GRAP2: variants seen among roughly 807,000 people sequenced by gnomAD.
The protein encoded by GRAP2 is GRB2 related adaptor protein 2, also known as GRB2-related adapter protein 2.
In GRAP2, 31 loss-of-function variants were observed where a neutral mutation model predicts 43.5. The observed-to-expected ratio is 0.71, with a 90% CI of 0.54 to 0.96. The LOEUF (loss-of-function observed/expected upper bound fraction) is 0.96. GRAP2 is among the 40% of genes least tolerant of loss of function. GRAP2 has a pLI of 0.00. For missense variants in GRAP2, 371 were observed against 424.4 expected (o/e 0.87, Z 1.11); for synonymous variants, 156 against 164.8 (o/e 0.95, Z 0.41).
chr22:39,953,400 C>T (rs1027429440), intron 2 of GRAP2, among the ~76,000 whole-genome samples: 3 of 152,180 alleles, frequency 2.0e-5, no homozygotes, highest in Non-Finnish European at 4.4e-5. Context: ...ATCCCAGAGT[C>T]CTCCTCTCCC....
chr22:39,952,036 T>C (rs2066989233), intron 2 of GRAP2, among the ~76,000 whole-genome samples: 1 of 151,436 alleles, frequency 6.6e-6, no homozygotes, highest in African/African-American at 2.4e-5. Flanking sequence ...TTTTTTTTTT[T>C]TTCTTTTTGA....
chr22:39,939,730 G>A lies in GRAP2; in HGVS notation c.-14-7363G>A, dbSNP rs540967956. Among the ~76,000 whole-genome samples the A allele has an allele frequency of 7.2e-5, 11 of 152,220 alleles. 1 individual carries two copies. In the South Asian group the frequency reaches 1.9e-3, roughly 26 times the overall value. The stretch of plus-strand genomic sequence containing the variant: ...TCAAGACCAGCCTGGCCAGCATGGC[G>A]AAACCCCATCTCTACTAAAAATATA... On this transcript the variant is annotated intron_variant, in intron 1 of 7. Coordinates refer to ENST00000344138, the MANE Select transcript of GRAP2 (RefSeq NM_004810.4).
chr22:39,918,497 A>C (rs953656281), intron 1 of GRAP2, among the ~76,000 whole-genome samples: 1 of 152,218 alleles, frequency 6.6e-6, no homozygotes, highest in African/African-American at 2.4e-5. Flanking sequence ...TTGTTGTTTA[A>C]AAATAACTTC....
At chr22:39,900,978 C>A, upstream of GRAP2, 1 of 244,716 alleles carries the variant, frequency 4.1e-6, no homozygotes, top group Admixed American at 5.2e-5. Flanking sequence ...GAACCTCCTG[C>A]ATTTTAGTTC....
At chr22:39,924,357 C>A (rs137977) in intron 1 of GRAP2, among the ~76,000 whole-genome samples, 78,661 of 152,112 alleles carry the variant, frequency 0.52, 22,745 homozygotes, top group African/African-American at 0.77. Flanking sequence ...CTGTGACAAT[C>A]ATCACCACGG....
chr22:39,910,177 C>T (rs2066549641), intron 1 of GRAP2, among the ~76,000 whole-genome samples: 1 of 152,138 alleles, frequency 6.6e-6, no homozygotes, highest in South Asian at 2.1e-4. Flanking sequence ...CCCTAAGTCA[C>T]GGGACTCAGA....
intron 1 of GRAP2, among the ~76,000 whole-genome samples, chr22:39,927,360 T>G (rs2066714442): frequency 6.6e-6 from 1 of 152,190 alleles, no homozygotes; most frequent in Non-Finnish European, 1.5e-5. Context: ...GCCCTGGGAT[T>G]GAAAGACCCT....
intron 1 of GRAP2, among the ~76,000 whole-genome samples, chr22:39,907,281 C>A (rs887560791): frequency 1.3e-5 from 2 of 152,172 alleles, no homozygotes; most frequent in African/African-American, 4.8e-5. Context: ...TATGAAAACT[C>A]TCCCCAATGG....
At chr22:39,955,658 A>G (rs1306703752) in intron 2 of GRAP2, among the ~76,000 whole-genome samples, 161 bp from the exon 3 acceptor site, 2 of 152,162 alleles carry the variant, frequency 1.3e-5, no homozygotes, top group African/African-American at 4.8e-5. Context: ...CGGCTCCTCC[A>G]CAGGCCTGGG....
At chr22:39,902,400 A>G (rs2066499042) in intron 1 of GRAP2, among the ~76,000 whole-genome samples, 1 of 152,244 alleles carries the variant, frequency 6.6e-6, no homozygotes, top group Admixed American at 6.5e-5. Context: ...GAATAATTTT[A>G]TAGTGATTCT....
chr22:39,958,968 A>G (rs1300506363), intron 3 of GRAP2, among the ~76,000 whole-genome samples: 1 of 152,174 alleles, frequency 6.6e-6, no homozygotes. Context: ...CCTGCTACCT[A>G]TGTCTCAGTT....
intron 1 of GRAP2, among the ~76,000 whole-genome samples, chr22:39,929,583 A>G (rs566429931): frequency 6.6e-6 from 1 of 152,226 alleles, no homozygotes; most frequent in Admixed American, 6.5e-5. Flanking sequence ...CAAAGGGGAG[A>G]TGCGTCTCCT....
intron 1 of GRAP2, among the ~76,000 whole-genome samples, chr22:39,901,884 G>A (rs1157223827): frequency 3.3e-5 from 5 of 152,320 alleles, no homozygotes; most frequent in African/African-American, 4.8e-5. Flanking sequence ...CGTACTAGCC[G>A]TTAGGCTCCA....
intron 1 of GRAP2, among the ~76,000 whole-genome samples, chr22:39,901,883 C>T (rs767048722): frequency 2.0e-5 from 3 of 152,186 alleles, no homozygotes; most frequent in East Asian, 1.9e-4. Flanking sequence ...TCGTACTAGC[C>T]GTTAGGCTCC....
chr22:39,964,407 A>G, intron 4 of GRAP2: 1 of 809,030 alleles, frequency 1.2e-6, no homozygotes. Context: ...AGAAGAAGGC[A>G]CTGAAACAGC....
chr22:39,970,118 CT>C (rs1210755837), intron 7 of GRAP2, among the ~76,000 whole-genome samples: 1 of 151,884 alleles, frequency 6.6e-6, no homozygotes, highest in Non-Finnish European at 1.5e-5. Context: ...ATCATTGCAT[CT>C]TTTTTTTGTT....
In GRAP2 at chr22:39,953,218, T is replaced by C. The variant is rs370833056; in HGVS notation, c.79-2601T>C. On this transcript the variant is annotated intron_variant, in intron 2 of 7. Transcript: ENST00000344138. ...CCTCTCTCCTGGGTCCAGACTGACATATCCAGCTGCTCCCTGAGCTTTTCT... is the reference window on the plus strand; with the variant it reads ...CCTCTCTCCTGGGTCCAGACTGACACATCCAGCTGCTCCCTGAGCTTTTCT... Among the ~76,000 whole-genome samples, 348 of 152,262 alleles carry C rather than the reference T, an allele frequency of 2.3e-3. 1 individual carries two copies. The highest frequency in any genetic ancestry group is 3.7e-3 in the Non-Finnish European group (249 of 68,020).
intron 1 of GRAP2, among the ~76,000 whole-genome samples, chr22:39,905,746 A>C (rs1270813212): frequency 6.6e-6 from 1 of 152,176 alleles, no homozygotes; most frequent in Non-Finnish European, 1.5e-5. Context: ...AGTACGTTGC[A>C]CAAGGTCACT....
chr22:39,968,508 C>G, intron 6 of GRAP2: 2 of 554,924 alleles, frequency 3.6e-6, no homozygotes. Context: ...CACACTTAAA[C>G]TCACACACAC....
Sources: allele counts gnomAD v4.1 joint callset (sites outside exome capture counted in the v4.1 genomes callset), GRCh38; gene constraint gnomAD v4.1.1; transcripts MANE v1.5; gene names NCBI Gene and HGNC (gene_info 2026-07-23, HGNC 2026-07-21).